The following EXOC4 variants were observed in gnomAD, a reference collection of about 807,000 sequenced individuals.
EXOC4 encodes the protein SEC8-like 1.
A neutral mutation model predicts 107.2 loss-of-function variants in EXOC4; 71 were observed. The ratio of observed to expected loss-of-function variants is 0.66; its 90% CI spans 0.55 to 0.81. EXOC4 has a LOEUF of 0.81. EXOC4 is among the 30% of genes least tolerant of loss of function. The pLI, the probability that EXOC4 is intolerant of heterozygous loss-of-function variation, is 0.00. For missense variants in EXOC4, 1,108 were observed against 1,189.6 expected (o/e 0.93, Z 1.01); for synonymous variants, 456 against 441.2 (o/e 1.03, Z -0.42).
intron 11 of EXOC4, among the ~76,000 whole-genome samples, chr7:133,831,445 G>T (rs1480799339): frequency 2.6e-5 from 4 of 152,056 alleles, no homozygotes; most frequent in Non-Finnish European, 5.9e-5. Context: ...TTATAGATTT[G>T]TATTTTATAC....
intron 9 of EXOC4, among the ~76,000 whole-genome samples, chr7:133,608,089 T>C (rs182914819): frequency 6.6e-6 from 1 of 152,332 alleles, no homozygotes. Context: ...GTTCAGAATT[T>C]CATAATAGAA....
At chr7:133,961,051 A>C (rs559852282) in intron 14 of EXOC4, among the ~76,000 whole-genome samples, 132 of 152,290 alleles carry the variant, frequency 8.7e-4, no homozygotes, top group African/African-American at 3.1e-3. Context: ...TAGGGAGGTT[A>C]TCTTGGGTTA....
intron 12 of EXOC4, among the ~76,000 whole-genome samples, chr7:133,901,085 G>A (rs974273258): frequency 3.9e-5 from 6 of 152,114 alleles, no homozygotes; most frequent in African/African-American, 1.4e-4. Flanking sequence ...GGCCAGGCTG[G>A]TCTCAAACTC....
At chr7:133,707,836 G>A (rs1794802150) in intron 10 of EXOC4, among the ~76,000 whole-genome samples, 1 of 152,026 alleles carries the variant, frequency 6.6e-6, no homozygotes, top group Non-Finnish European at 1.5e-5. Flanking sequence ...GGCTGGTCTT[G>A]AACTCCTGAC....
chr7:133,354,245 T>C (rs1165904119), intron 5 of EXOC4, among the ~76,000 whole-genome samples: 1 of 152,090 alleles, frequency 6.6e-6, no homozygotes, highest in Non-Finnish European at 1.5e-5. Flanking sequence ...GCATTTGAGT[T>C]TAATGATGTG....
At chr7:133,733,306 A>G (rs1795367862) in intron 10 of EXOC4, 1 of 152,352 alleles carries the variant, frequency 6.6e-6, no homozygotes, top group South Asian at 2.1e-4. Flanking sequence ...CATCCTGGCC[A>G]ACATGGTGAA....
chr7:134,016,898 G>C (rs970036633), intron 17 of EXOC4, among the ~76,000 whole-genome samples: 2 of 152,178 alleles, frequency 1.3e-5, no homozygotes, highest in African/African-American at 2.4e-5. Flanking sequence ...CAGCCAGACT[G>C]AGAATGTCTG....
chr7:133,445,664 G>T (rs935309863), intron 7 of EXOC4, among the ~76,000 whole-genome samples: 2 of 151,176 alleles, frequency 1.3e-5, no homozygotes, highest in Non-Finnish European at 2.9e-5. Flanking sequence ...ACCTCTCCTG[G>T]TAATTCTAAT....
intron 11 of EXOC4, among the ~76,000 whole-genome samples, chr7:133,838,921 C>T (rs987195367): frequency 6.6e-6 from 1 of 152,104 alleles, no homozygotes; most frequent in Admixed American, 6.6e-5. Flanking sequence ...AGTTTGCCAA[C>T]CCCTGCTTAG....
intron 8 of EXOC4, chr7:133,478,959 T>G (rs1431035344): frequency 6.6e-6 from 1 of 152,158 alleles, no homozygotes; most frequent in Non-Finnish European, 1.5e-5. Context: ...CCCAAGTGTT[T>G]CCCTCACAGA....
At chr7:133,996,740 C>G (rs1794400550) in intron 14 of EXOC4, among the ~76,000 whole-genome samples, 2 of 152,096 alleles carry the variant, frequency 1.3e-5, no homozygotes, top group Non-Finnish European at 2.9e-5. Flanking sequence ...TCAGCCCCTT[C>G]TGTAGTATTT....
rs144764064 is a variant in EXOC4, at chr7:133,887,731, C to G, written c.1735-7868C>G. On this transcript the variant is annotated intron_variant, in intron 11 of 17. Transcript: ENST00000253861. ...ATCAGAGGCATCTCCTCATGCTCAT[C>G]TTCCCTGCAATGTTTTAGATTTTAA... Among the ~76,000 whole-genome samples, 711 of 152,334 alleles carry G rather than the reference C, an allele frequency of 4.7e-3. 3 individuals are homozygous for G. The highest frequency in any genetic ancestry group is 0.016 in the African/African-American group (679 of 41,574).
intron 9 of EXOC4, among the ~76,000 whole-genome samples, chr7:133,591,549 T>G (rs532923952): frequency 3.2e-4 from 11 of 33,984 alleles, no homozygotes; most frequent in African/African-American, 6.1e-4. Context: ...AAAGATCTGG[T>G]GTGTGTGTGT....
chr7:133,493,645 A>C (rs1799418603), intron 9 of EXOC4, among the ~76,000 whole-genome samples: 1 of 150,902 alleles, frequency 6.6e-6, no homozygotes, highest in South Asian at 2.1e-4. Context: ...GTCCCTAGAA[A>C]CTCCTCCCCC....
intron 9 of EXOC4, chr7:133,480,871 T>C (rs902937636): frequency 6.6e-6 from 1 of 151,710 alleles, no homozygotes; most frequent in Non-Finnish European, 1.5e-5. Context: ...CTGGGCGACA[T>C]GGCGAAGCCC....
intron 7 of EXOC4, among the ~76,000 whole-genome samples, chr7:133,443,708 G>A (rs1798155196): frequency 1.3e-5 from 2 of 152,132 alleles, no homozygotes; most frequent in Non-Finnish European, 2.9e-5. Context: ...CTGTGATGAG[G>A]AGTCAGAATT....
chr7:133,310,259 G>A (rs1234131766), intron 4 of EXOC4, among the ~76,000 whole-genome samples: 4 of 152,200 alleles, frequency 2.6e-5, no homozygotes, highest in African/African-American at 9.6e-5. Context: ...AAGACCCACA[G>A]TAGGTACCTG....
At chr7:133,803,116 T>G (rs1212794187) in intron 10 of EXOC4, among the ~76,000 whole-genome samples, 1 of 152,238 alleles carries the variant, frequency 6.6e-6, no homozygotes. Flanking sequence ...ATGAGCAATT[T>G]TATGAATACT....
chr7:133,441,737 C>G (rs745431091), intron 7 of EXOC4, among the ~76,000 whole-genome samples: 1 of 152,178 alleles, frequency 6.6e-6, no homozygotes, highest in Non-Finnish European at 1.5e-5. Context: ...ATCACTTCCT[C>G]TAAGGTTCCA....
Sources: allele counts gnomAD v4.1 joint callset (sites outside exome capture counted in the v4.1 genomes callset), GRCh38; gene constraint gnomAD v4.1.1; transcripts MANE v1.5; gene names NCBI Gene and HGNC (gene_info 2026-07-23, HGNC 2026-07-21).